The following SARDH variants were observed in gnomAD, a reference collection of about 807,000 sequenced individuals.
SARDH encodes the protein sarcosine dehydrogenase.
SARDH carries 95 observed loss-of-function variants against 109.1 expected under a neutral mutation model. That is an observed-to-expected ratio of 0.87 (90% CI 0.74 to 1.03). The LOEUF (loss-of-function observed/expected upper bound fraction) is 1.03, where lower values mean the gene tolerates loss of function less well. Ranked by LOEUF, SARDH falls within the 50% of genes least tolerant of loss-of-function variation. The pLI, the probability that SARDH is intolerant of heterozygous loss-of-function variation, is 0.00. For missense variants in SARDH, 1,267 were observed against 1,287.8 expected (o/e 0.98, Z 0.25); for synonymous variants, 572 against 534.8 (o/e 1.07, Z -0.96).
At position 133,729,216 on chromosome 9, in the gene SARDH, T is replaced by C. The variant is rs370497533; in HGVS notation, c.915+549A>G. 2.5e-4 allele frequency among the ~76,000 whole-genome samples: 38 copies of C among 151,864 alleles called. No individual in the cohort carries two copies. In the South Asian group the frequency reaches 7.5e-3, roughly 30 times the overall value. On this transcript the variant is annotated intron_variant, in intron 6 of 20. Transcript: ENST00000439388. ...GGAAAGAGGGGGGTCAGTAACAAAG[T>C]GGCAGGAAGCTCCCAGCCACCATCC... is the stretch of plus-strand genomic sequence containing the variant.
At chr9:133,706,125 C>T (rs1564274464) in intron 11 of SARDH, among the ~76,000 whole-genome samples, 2 of 152,254 alleles carry the variant, frequency 1.3e-5, no homozygotes, top group Non-Finnish European at 2.9e-5. Flanking sequence ...CACAAGAGAA[C>T]TGAGAGCGGG....
At position 133,685,222 on chromosome 9, in the gene SARDH, G is replaced by A. The variant is rs1204797824; in HGVS notation, c.2134C>T (p.His712Tyr). The A allele has an allele frequency of 6.2e-7, 1 of 1,613,980 alleles. No individual in the cohort carries two copies. Among genetic ancestry groups the A allele is most frequent in the South Asian group, 1.1e-5 (1 of 91,062 alleles). ...TGCCCTGCGGCTCTCAGTAGCTTGTGGGTGGAGAACGGGAAGGCCTCGTTG... is the reference window on the plus strand; with the variant it reads ...TGCCCTGCGGCTCTCAGTAGCTTGTAGGTGGAGAACGGGAAGGCCTCGTTG... ...LSNEAFPFST[H>Y]KLLRAAGHLV... is the part of the protein sequence containing the mutation. Residue 712 changes from histidine (H) to tyrosine (Y), a missense_variant, in exon 17 of 21, where the codon CAC (histidine) becomes TAC (tyrosine). Transcript: ENST00000439388.
In SARDH at chr9:133,718,993, T is replaced by A. The variant is rs895400443; in HGVS notation, c.965A>T (p.Gln322Leu). 1.2e-6 allele frequency: 2 copies of A among 1,614,130 alleles called. No homozygotes were observed. The highest frequency in any genetic ancestry group is 1.7e-6 in the Non-Finnish European group (2 of 1,180,026). Residue 322 changes from glutamine to leucine, a missense_variant, in exon 7 of 21, where the codon CAA becomes CTA. Physicochemically the swap from Gln to Leu is moderately radical, Grantham distance 113 (BLOSUM62 -2). Coordinates refer to ENST00000439388, the MANE Select transcript of SARDH (RefSeq NM_001134707.2). The surrounding 1 kb of genome is among the most constrained non-coding windows in gnomAD (Gnocchi z 4.2). ...GCCACCCACAGACAAGGCATCCCCT[T>A]GGAGGCGGAGGTAGACAGAGGCATC... ...DHDASVYLRL[Q>L]GDALSVGGYE...
chr9:133,662,030 C>T (rs746380107), downstream of SARDH, among the ~76,000 whole-genome samples: 2 of 152,156 alleles, frequency 1.3e-5, no homozygotes, highest in South Asian at 2.1e-4. The surrounding 1 kb of genome is among the most constrained non-coding windows in gnomAD (Gnocchi z 5.1). Flanking sequence ...GGATGGAGCC[C>T]GCAGGTGATG....
chr9:133,717,386 C>T lies in SARDH; in HGVS notation c.1090G>A (p.Ala364Thr), dbSNP rs775453942. 50 of 1,614,010 alleles carry T rather than the reference C, an allele frequency of 3.1e-5. No individual in the cohort carries two copies. The highest frequency in any genetic ancestry group is 8.9e-5 in the East Asian group (4 of 44,886). ...WEVFTQHIEGAINRVPVLEKT... is the reference protein window; with the variant it reads ...WEVFTQHIEGTINRVPVLEKT... The stretch of plus-strand genomic sequence containing the variant: ...TCCAGCACGGGGACCCTGTTGATGG[C>T]GCCTTCAATGTGCTGGGTGAACACC... The change falls in exon 8 of 21, where the codon GCC becomes ACC. Residue 364 changes from alanine (A) to threonine (T), a missense_variant. Ala to Thr is a moderately conservative substitution (Grantham distance 58). Transcript: ENST00000439388.
At chr9:133,669,556 C>T (rs535141356) in intron 19 of SARDH, among the ~76,000 whole-genome samples, 64 of 151,872 alleles carry the variant, frequency 4.2e-4, no homozygotes, top group African/African-American at 1.4e-3. Context: ...AAGTGGGACT[C>T]GGGTTCCTGG....
At chr9:133,662,474 G>C (rs1434332606), downstream of SARDH, among the ~76,000 whole-genome samples, 4 of 152,136 alleles carry the variant, frequency 2.6e-5, no homozygotes, top group Non-Finnish European at 5.9e-5. This position sits in a 1 kb window ranked among gnomAD's most constrained non-coding sequence, Gnocchi z 5.1. Context: ...GCCCGCCTGT[G>C]AGCAAGGGGA....
At chr9:133,677,692 G>A (rs543229921) in intron 17 of SARDH, among the ~76,000 whole-genome samples, 17 of 152,236 alleles carry the variant, frequency 1.1e-4, no homozygotes, top group Non-Finnish European at 2.1e-4. Flanking sequence ...TCCCCTTCCT[G>A]CTTGGCCCTG....
intron 18 of SARDH, 130 bp downstream of exon 18, chr9:133,671,405 G>A (rs1830342041): frequency 1.1e-5 from 13 of 1,197,756 alleles, no homozygotes; most frequent in Non-Finnish European, 1.5e-5. Flanking sequence ...AGGAAATCAT[G>A]GTGTGGAAAG....
intron 17 of SARDH, among the ~76,000 whole-genome samples, chr9:133,682,658 G>A (rs3024257): frequency 0.016 from 2,401 of 148,796 alleles, 63 homozygotes; most frequent in African/African-American, 0.057. Flanking sequence ...CGCAGTGATG[G>A]TTGGAAACTG....
At chr9:133,707,912 G>A (rs1457705487) in intron 11 of SARDH, among the ~76,000 whole-genome samples, 7 of 152,070 alleles carry the variant, frequency 4.6e-5, no homozygotes, top group African/African-American at 4.8e-5. Context: ...TCCAATGTAC[G>A]CCGTGTTCTG....
intron 6 of SARDH, 50 bp from the exon 7 acceptor site, chr9:133,719,092 C>G (rs778473986): frequency 7.3e-6 from 11 of 1,506,214 alleles, no homozygotes. Context: ...TGGGTGGGGA[C>G]TTGGTTCCCC....
chr9:133,717,585 A>G (rs1588442166), intron 7 of SARDH, 130 bp from the exon 8 acceptor site: 2 of 1,335,716 alleles, frequency 1.5e-6, no homozygotes, highest in Non-Finnish European at 2.0e-6. Flanking sequence ...GCTGGTGGTC[A>G]CCCACACGTC....
At chr9:133,662,024 G>A (rs566608360), downstream of SARDH, among the ~76,000 whole-genome samples, 1 of 152,298 alleles carries the variant, frequency 6.6e-6, no homozygotes, top group African/African-American at 2.4e-5. This position sits in a 1 kb window ranked among gnomAD's most constrained non-coding sequence, Gnocchi z 5.1. Flanking sequence ...GCGCAGGGAT[G>A]GAGCCCGCAG....
chr9:133,732,601 C>A lies in SARDH; in HGVS notation c.332G>T (p.Gly111Val). ...ACTGGGCCGCAGCTGCCACAGCAGG[C>A]CTGCCCGGGAGGGTGGGTGCCATCA... is the stretch of plus-strand genomic sequence containing the variant. Reference protein sequence around the residue: ...LTSGTTWHTAGLLWQLRPSDV... With the variant: ...LTSGTTWHTAVLLWQLRPSDV... Residue 111 changes from glycine (G) to valine (V), a missense_variant and splice_region_variant, in exon 3 of 21, where the codon GGC (glycine) becomes GTC (valine). Coordinates refer to ENST00000439388, the MANE Select transcript of SARDH (RefSeq NM_001134707.2). 6.2e-7 allele frequency: 1 copy of A among 1,602,766 alleles called. No individual in the cohort carries two copies. The highest frequency in any genetic ancestry group is 8.5e-7 in the Non-Finnish European group (1 of 1,173,876).
intron 8 of SARDH, among the ~76,000 whole-genome samples, chr9:133,715,296 C>T (rs866744050): frequency 1.3e-5 from 2 of 152,168 alleles, no homozygotes; most frequent in Admixed American, 6.5e-5. Context: ...TGGGGAGTAC[C>T]GGCTCCCCAG....
In SARDH at chr9:133,714,139, G is replaced by A. The variant is rs567457025; in HGVS notation, c.1151-1015C>T. ...TGAGGGACCCCAGGGCACTTCGTTC[G>A]TGAACGATGATACGGGGATGGCTCC... On this transcript the variant is annotated intron_variant, in intron 8 of 20. Transcript: ENST00000439388. Among the ~76,000 whole-genome samples, 237 of 152,326 alleles carry A rather than the reference G, an allele frequency of 1.6e-3. 2 individuals carry two copies. The highest frequency in any genetic ancestry group is 1.9e-4 in the Non-Finnish European group (13 of 68,038).
intron 15 of SARDH, 84 bp downstream of exon 15, chr9:133,694,173 TC>T: frequency 1.0e-6 from 1 of 995,348 alleles, no homozygotes; most frequent in Non-Finnish European, 1.5e-6. Context: ...CAGCAGCCCA[TC>T]CCGTCCATCC....
chr9:133,722,640 GCGCTCTCTCTCTCT>G (rs969183319), intron 6 of SARDH, among the ~76,000 whole-genome samples: 3 of 98,820 alleles, frequency 3.0e-5, no homozygotes, highest in African/African-American at 8.4e-5. Flanking sequence ...AAAACTACTA[GCGCTCTCTCTCTCT>G]CTCTCTCTCT....
Sources: gnomAD v4.1 joint callset for allele counts (sites outside exome capture counted in the v4.1 genomes callset) on GRCh38, gnomAD v4.1.1 for gene constraint, Gnocchi (gnomAD v3.1) non-coding constraint, MANE v1.5 for transcripts, NCBI Gene and HGNC (gene_info 2026-07-23, HGNC 2026-07-21) for gene names.